Variants in ERBB4 observed in about 807,000 individuals in gnomAD.
The protein encoded by ERBB4 is receptor tyrosine-protein kinase erbB-4.
In ERBB4, 42 loss-of-function variants were observed where a neutral mutation model predicts 158.0. The observed-to-expected ratio is 0.27, with a 90% CI of 0.21 to 0.34. The LOEUF is 0.34. Ranked by LOEUF, ERBB4 falls within the 10% of genes least tolerant of loss-of-function variation. The probability of loss-of-function intolerance (pLI) is 1.00; values close to 1 mark genes in which losing one functional copy is unlikely to be tolerated. For missense variants in ERBB4, 1,333 were observed against 1,624.1 expected, an observed-to-expected ratio of 0.82 and a Z score of 3.08; for synonymous variants, 583 against 558.7, an observed-to-expected ratio of 1.04 and a Z score of -0.61.
chr2:211,778,270 AC>A (rs2075939794), intron 4 of ERBB4: 1 of 152,060 alleles, frequency 6.6e-6, no homozygotes, highest in South Asian at 2.1e-4. Flanking sequence ...CCCTGTGTTC[AC>A]CAATTGTTGA....
chr2:212,305,364 T>C (rs1452232140), intron 1 of ERBB4, among the ~76,000 whole-genome samples: 1 of 151,564 alleles, frequency 6.6e-6, no homozygotes, highest in East Asian at 2.0e-4. Context: ...AATATATTAA[T>C]GATTTTTATT....
Position 211,725,889 on chromosome 2 carries a change from A to G in ERBB4, c.623-695T>C, listed in dbSNP as rs562451814. ...AAGAAAAAAGGAAGGAAAGAAAGCC[A>G]TTAATAGTAAACACAACAAAAATCA... On this transcript the variant is annotated intron_variant, in intron 5 of 27. Transcript: ENST00000342788. 2.0e-5 allele frequency among the ~76,000 whole-genome samples: 3 copies of G among 152,236 alleles called. No homozygotes were observed. In the South Asian group the frequency reaches 6.2e-4, roughly 32 times the overall value.
intron 15 of ERBB4, among the ~76,000 whole-genome samples, chr2:211,662,016 G>C (rs2071440987): frequency 9.6e-6 from 1 of 104,654 alleles, no homozygotes; most frequent in Non-Finnish European, 1.7e-5. Context: ...TCCAGCCTGG[G>C]CGACAGAGCG....
Position 211,379,720 on chromosome 2 carries a change from T to C in ERBB4, c.*3895A>G, listed in dbSNP as rs58446902. On this transcript the variant is annotated 3_prime_UTR_variant, in exon 28 of 28. Transcript: ENST00000342788. ...TATACATGCTTTCATGATCACCTTT[T>C]CTATTACCTTATGAACTACATATAC... 2,434 of 231,968 alleles carry C rather than the reference T, an allele frequency of 0.01. 63 individuals are homozygous for C. The highest frequency in any genetic ancestry group is 0.05 in the African/African-American group (2,280 of 45,378). 14.4% of individuals were successfully genotyped at this position (231,968 alleles called of 1,614,324 possible).
chr2:212,426,098 A>C (rs1359171252), intron 1 of ERBB4, among the ~76,000 whole-genome samples: 1 of 151,982 alleles, frequency 6.6e-6, no homozygotes, highest in Non-Finnish European at 1.5e-5. Context: ...ACTTCTTTAT[A>C]ATCTATTTTA....
chr2:212,401,951 C>G (rs2091218266), intron 1 of ERBB4, among the ~76,000 whole-genome samples: 1 of 152,112 alleles, frequency 6.6e-6, no homozygotes. Flanking sequence ...CATGGCTACT[C>G]TGGAAAATAG....
chr2:212,166,802 T>C (rs1475558857), intron 1 of ERBB4, among the ~76,000 whole-genome samples: 1 of 152,036 alleles, frequency 6.6e-6, no homozygotes, highest in Non-Finnish European at 1.5e-5. Flanking sequence ...TCTACAACCA[T>C]CTGATCTTCG....
At position 212,200,824 on chromosome 2, in the gene ERBB4, A is replaced by G. The variant is rs2082568242; in HGVS notation, c.83-75921T>C. On this transcript the variant is annotated intron_variant, in intron 1 of 27. Transcript: ENST00000342788. The stretch of plus-strand genomic sequence containing the variant: ...ACTTAAGACAATTGGGGAAGGTGCT[A>G]GCTAATTAGTATCACACAACCAATT... Among the ~76,000 whole-genome samples, 4 of 152,178 alleles carry G rather than the reference A, an allele frequency of 2.6e-5. No homozygotes were observed. The South Asian group carries it at 6.2e-4, about 24-fold the overall frequency.
At chr2:212,255,180 T>C (rs1437941604) in intron 1 of ERBB4, among the ~76,000 whole-genome samples, 1 of 152,170 alleles carries the variant, frequency 6.6e-6, no homozygotes, top group Non-Finnish European at 1.5e-5. Context: ...TACTGAATAC[T>C]GTACTATTAA....
chr2:211,465,402 G>A lies in ERBB4; in HGVS notation c.2488-34302C>T, dbSNP rs193025103. Among the ~76,000 whole-genome samples, 679 of 150,344 alleles carry A rather than the reference G, an allele frequency of 4.5e-3. 19 individuals carry two copies. Among genetic ancestry groups the A allele is most frequent in the Admixed American group, 0.043 (652 of 15,168 alleles). The stretch of plus-strand genomic sequence containing the variant: ...TAAGTTTTGGGATGAATTTTAATGC[G>A]GCAACAGAAAATTGAAATCCCTGGG... On this transcript the variant is annotated intron_variant, in intron 20 of 27. Coordinates refer to ENST00000342788, the MANE Select transcript of ERBB4 (RefSeq NM_005235.3).
intron 2 of ERBB4, among the ~76,000 whole-genome samples, chr2:212,064,034 T>C (rs138638511): frequency 2.1e-4 from 32 of 152,126 alleles, no homozygotes; most frequent in African/African-American, 7.0e-4. Context: ...TAAGACACAA[T>C]AGGAGCAGAA....
intron 1 of ERBB4, among the ~76,000 whole-genome samples, chr2:212,531,127 G>T (rs1692733178): frequency 6.6e-6 from 1 of 152,142 alleles, no homozygotes; most frequent in Non-Finnish European, 1.5e-5. Context: ...AAGTTTCATG[G>T]TGTTTATGTT....
At chr2:211,399,491 T>C (rs2062989416) in intron 25 of ERBB4, among the ~76,000 whole-genome samples, 1 of 152,172 alleles carries the variant, frequency 6.6e-6, no homozygotes, top group South Asian at 2.1e-4. Context: ...ATGGTACACA[T>C]CTTCTTCTGC....
chr2:212,027,577 C>T (rs1392351586), intron 2 of ERBB4, among the ~76,000 whole-genome samples: 2 of 152,058 alleles, frequency 1.3e-5, no homozygotes, highest in Non-Finnish European at 2.9e-5. Context: ...TTGTTGAGAA[C>T]AAAGAGTGAG....
At chr2:211,495,198 GAT>G (rs1315478522) in intron 20 of ERBB4, among the ~76,000 whole-genome samples, 1 of 151,900 alleles carries the variant, frequency 6.6e-6, no homozygotes, top group African/African-American at 2.4e-5. Context: ...AGATAAAAAA[GAT>G]TGTTTAATAT....
Position 211,380,021 on chromosome 2 carries a change from C to T in ERBB4, c.*3594G>A, listed in dbSNP as rs888038231. 5.4e-6 allele frequency: 1 copy of T among 186,860 alleles called. No homozygotes were observed. Among genetic ancestry groups the T allele is most frequent in the Non-Finnish European group, 1.0e-5 (1 of 95,256 alleles). The allele number at this position is 186,860 out of a possible 1,614,324, so 11.6% of individuals were successfully genotyped here. A position where few individuals can be genotyped will look rare whatever the true frequency, so the allele number is the denominator to read the frequency against. ...CTTTCCTTTAGAAGGTATTAGCTCA[C>T]ACACTATAACACTTAAACACTATTC... On this transcript the variant is annotated 3_prime_UTR_variant, in exon 28 of 28. Coordinates refer to ENST00000342788, the MANE Select transcript of ERBB4 (RefSeq NM_005235.3).
Position 211,387,932 on chromosome 2 carries a change from G to A in ERBB4, c.3183+13C>T, listed in dbSNP as rs1294048502. On this transcript the variant is annotated intron_variant, in intron 26 of 27. Coordinates refer to ENST00000342788, the MANE Select transcript of ERBB4 (RefSeq NM_005235.3). ...AAATCCTAAAAGATGAAGGTTGATT[G>A]TGAAATACTTACTCCTGACATGGGG... The A allele has an allele frequency of 2.5e-6, 4 of 1,594,010 alleles. No individual in the cohort carries two copies. The South Asian group carries it at 4.4e-5, about 18-fold the overall frequency.
intron 3 of ERBB4, among the ~76,000 whole-genome samples, chr2:211,822,448 T>C (rs1426388396): frequency 6.6e-6 from 1 of 151,858 alleles, no homozygotes; most frequent in African/African-American, 2.4e-5. Flanking sequence ...AACTGAAAAA[T>C]AAATTTAAAA....
In ERBB4 at chr2:212,476,133, A is replaced by ACT. The variant is rs369273070; in HGVS notation, c.82+62314_82+62315dup. ...ACATCCCCACCAAACACACATACAT[A>ACT]CTCTCTCTCTCTCTCTCTGTCACAC... On this transcript the variant is annotated intron_variant, in intron 1 of 27. Coordinates refer to ENST00000342788, the MANE Select transcript of ERBB4 (RefSeq NM_005235.3). Among the ~76,000 whole-genome samples, 291 of 141,870 alleles carry ACT rather than the reference A, an allele frequency of 2.1e-3. 1 individual carries two copies. Among genetic ancestry groups the ACT allele is most frequent in the African/African-American group, 5.4e-3 (196 of 36,502 alleles). The allele number at this position is 141,870 out of a possible 152,430, so 93.1% of individuals were successfully genotyped here.
Sources: gnomAD v4.1 joint callset for allele counts (sites outside exome capture counted in the v4.1 genomes callset) on GRCh38, gnomAD v4.1.1 for gene constraint, MANE v1.5 for transcripts, NCBI Gene and HGNC (gene_info 2026-07-23, HGNC 2026-07-21) for gene names.